Variants in RCOR1 observed in about 807,000 individuals in gnomAD.
RCOR1 encodes the protein REST corepressor 1.
RCOR1 carries 12 observed loss-of-function variants against 64.0 expected under a neutral mutation model. The observed-to-expected ratio is 0.19, with a 90% CI of 0.12 to 0.30. The LOEUF is 0.30. RCOR1 is among the 10% of genes least tolerant of loss of function. RCOR1 has a pLI of 1.00. For missense variants in RCOR1, 502 were observed against 621.2 expected, an observed-to-expected ratio of 0.81 and a Z score of 2.04; for synonymous variants, 279 against 227.2, an observed-to-expected ratio of 1.23 and a Z score of -2.05.
At chr14:102,711,144 TCAA>T in intron 7 of RCOR1, 131 bp downstream of exon 7, 1 of 617,104 alleles carries the variant, frequency 1.6e-6, no homozygotes, top group Non-Finnish European at 2.8e-6. Context: ...TGACTATTTT[TCAA>T]CAATACTGTC....
chr14:102,629,454 A>T (rs1007364331), intron 2 of RCOR1, among the ~76,000 whole-genome samples: 9 of 101,024 alleles, frequency 8.9e-5, no homozygotes, highest in African/African-American at 3.4e-4. Flanking sequence ...CCCCCCCCCC[A>T]CCACTGCTTC....
At position 102,730,347 on chromosome 14, in the gene RCOR1, T is replaced by C. The variant is rs778066334; in HGVS notation, c.*3841T>C. The C allele has an allele frequency of 9.1e-6, 2 of 218,596 alleles. No individual in the cohort carries two copies. The highest frequency in any genetic ancestry group is 8.9e-6 in the Non-Finnish European group (1 of 112,104). 13.5% of individuals were successfully genotyped at this position (218,596 alleles called of 1,614,324 possible). ...AGAAAATATGTTGTAATAATGCTGT[T>C]GTAAGTAATATTTTAATGTCTCTTT... On this transcript the variant is annotated 3_prime_UTR_variant, in exon 12 of 12. Transcript: ENST00000262241.
Position 102,707,464 on chromosome 14 carries a change from G to C in RCOR1, c.612G>C (p.Glu204Asp). ...EWTVEDKVLF[E>D]QAFSFHGKTF... ...CTGTGGAAGATAAAGTCTTATTTGA[G>C]CAAGCCTTTAGTTTTCATGGGAAAA... is the stretch of plus-strand genomic sequence containing the variant. The change falls in exon 5 of 12, where the codon GAG becomes GAC. Residue 204 changes from glutamate to aspartate, a missense_variant. Physicochemically the swap from Glu to Asp is conservative, Grantham distance 45. This residue lies in a region of RCOR1 where 260 missense variants were observed against 416.4 expected (regional missense o/e 0.62). Transcript: ENST00000262241. 6.2e-7 allele frequency: 1 copy of C among 1,611,716 alleles called. No individual in the cohort carries two copies.
chr14:102,655,091 A>G (rs937915851), intron 2 of RCOR1: 1 of 276,698 alleles, frequency 3.6e-6, no homozygotes, highest in African/African-American at 2.5e-5. Context: ...GGTCTCTGGC[A>G]TTCACCACCG....
intron 7 of RCOR1, 36 bp from the exon 8 acceptor site, chr14:102,714,387 T>C (rs1873244218): frequency 7.0e-7 from 1 of 1,428,288 alleles, no homozygotes; most frequent in Non-Finnish European, 9.5e-7. Flanking sequence ...TTTGACTTTT[T>C]TTAAGTTTCA....
chr14:102,629,506 T>G (rs749844743), intron 2 of RCOR1, among the ~76,000 whole-genome samples: 5 of 151,500 alleles, frequency 3.3e-5, no homozygotes, highest in Non-Finnish European at 7.4e-5. Context: ...AGTAACAAGT[T>G]TTCTGTTTAT....
At position 102,627,739 on chromosome 14, in the gene RCOR1, C is replaced by T. The variant is rs571958588; in HGVS notation, c.361+34414C>T. ...GATTCTGTATATTCTTTCTTTTCTCCTATTCTTTTACACATTTCATTCAGG... is the reference window on the plus strand; with the variant it reads ...GATTCTGTATATTCTTTCTTTTCTCTTATTCTTTTACACATTTCATTCAGG... On this transcript the variant is annotated intron_variant, in intron 2 of 11. Transcript: ENST00000262241. Among the ~76,000 whole-genome samples the T allele has an allele frequency of 4.8e-3, 725 of 151,898 alleles. 6 individuals are homozygous for T. The highest frequency in any genetic ancestry group is 0.017 in the African/African-American group (709 of 41,450).
chr14:102,722,812 C>T (rs577944242), intron 11 of RCOR1, among the ~76,000 whole-genome samples: 10 of 152,346 alleles, frequency 6.6e-5, no homozygotes, highest in Admixed American at 5.9e-4. Flanking sequence ...AATGTGCAGT[C>T]ACATCATCAT....
chr14:102,644,596 A>C (rs1451304481), intron 2 of RCOR1, among the ~76,000 whole-genome samples: 3 of 151,798 alleles, frequency 2.0e-5, no homozygotes, highest in African/African-American at 7.3e-5. Flanking sequence ...GCATCTTGTC[A>C]CCTGAATCAA....
intron 2 of RCOR1, among the ~76,000 whole-genome samples, chr14:102,669,303 C>T (rs552728483): frequency 7.5e-6 from 1 of 133,292 alleles, no homozygotes; most frequent in Non-Finnish European, 1.5e-5. Context: ...GAGTGAAACT[C>T]GGTCTGAAAA....
chr14:102,633,457 G>A (rs1894169250), intron 2 of RCOR1, among the ~76,000 whole-genome samples: 2 of 152,130 alleles, frequency 1.3e-5, no homozygotes, highest in African/African-American at 4.8e-5. Flanking sequence ...GCCTCTTAAA[G>A]TGCTAGGATT....
rs1335662424 is a variant in RCOR1, at chr14:102,650,544, A to G, written c.362-31351A>G. ...ACATTCTACAAACCTCGCCACATCCACTCAGTTAAAAGACAGAACAGGATT... is the reference window on the plus strand; with the variant it reads ...ACATTCTACAAACCTCGCCACATCCGCTCAGTTAAAAGACAGAACAGGATT... On this transcript the variant is annotated intron_variant, in intron 2 of 11. Transcript: ENST00000262241. Among the ~76,000 whole-genome samples the G allele has an allele frequency of 2.0e-5, 3 of 152,184 alleles. No homozygotes were observed. In the East Asian group the frequency reaches 5.8e-4, roughly 29 times the overall value.
At chr14:102,679,474 C>G (rs1037285083) in intron 2 of RCOR1, among the ~76,000 whole-genome samples, 1 of 148,984 alleles carries the variant, frequency 6.7e-6, no homozygotes, top group Non-Finnish European at 1.5e-5. Flanking sequence ...ATTTATTTCC[C>G]TTTTTTTTTC....
intron 2 of RCOR1, chr14:102,651,216 C>G (rs1894581409): frequency 8.7e-6 from 2 of 228,696 alleles, no homozygotes; most frequent in Middle Eastern, 2.2e-3. Context: ...AATCAGGGGT[C>G]TCACAGCCTT....
intron 2 of RCOR1, among the ~76,000 whole-genome samples, chr14:102,614,343 G>A (rs1239308984): frequency 6.7e-6 from 1 of 149,680 alleles, no homozygotes; most frequent in Non-Finnish European, 1.5e-5. Context: ...TCCTGCCTCA[G>A]CCCCCCGAGT....
chr14:102,625,966 C>T (rs992267566), intron 2 of RCOR1, among the ~76,000 whole-genome samples: 1 of 152,172 alleles, frequency 6.6e-6, no homozygotes, highest in Non-Finnish European at 1.5e-5. Context: ...GGATCCTGTT[C>T]TCTGCCCTAC....
At chr14:102,605,683 T>C (rs768550523) in intron 2 of RCOR1, among the ~76,000 whole-genome samples, 6 of 152,230 alleles carry the variant, frequency 3.9e-5, no homozygotes, top group Non-Finnish European at 8.8e-5. Context: ...TGCTATACTT[T>C]GTATGGTTAT....
At chr14:102,619,425 CTCTA>C (rs970046491) in intron 2 of RCOR1, among the ~76,000 whole-genome samples, 3 of 150,470 alleles carry the variant, frequency 2.0e-5, no homozygotes, top group South Asian at 2.1e-4. Flanking sequence ...TGGCCCATGC[CTCTA>C]TCTATCTATC....
In RCOR1 at chr14:102,729,793, C is replaced by T. The variant is rs375932003; in HGVS notation, c.*3287C>T. The T allele has an allele frequency of 7.0e-5, 28 of 399,030 alleles. No homozygotes were observed. The highest frequency in any genetic ancestry group is 4.1e-4 in the African/African-American group (20 of 48,752). 24.7% of individuals were successfully genotyped at this position (399,030 alleles called of 1,614,324 possible). On this transcript the variant is annotated 3_prime_UTR_variant, in exon 12 of 12. Coordinates refer to ENST00000262241, the MANE Select transcript of RCOR1 (RefSeq NM_015156.4). ...CAAAAATAAGCCAAACAGTGCATTA[C>T]GCTAACTGGATCCCTGCTTTTATGT...
Sources: allele counts gnomAD v4.1 joint callset (sites outside exome capture counted in the v4.1 genomes callset), GRCh38; gene constraint gnomAD v4.1.1; regional missense constraint gnomAD v4.1.1; transcripts MANE v1.5; gene names NCBI Gene and HGNC (gene_info 2026-07-23, HGNC 2026-07-21).